Variants in HEATR5A observed in about 807,000 individuals in gnomAD.
The protein encoded by HEATR5A is HEAT repeat containing 5A, also known as HEAT repeat-containing protein 5A.
A neutral mutation model predicts 218.8 loss-of-function variants in HEATR5A; 178 were observed. The ratio of observed to expected loss-of-function variants is 0.81; its 90% confidence interval spans 0.72 to 0.92. The LOEUF is 0.92. HEATR5A is among the 40% of genes least tolerant of loss of function. The pLI, the probability that HEATR5A is intolerant of heterozygous loss-of-function variation, is 0.00. For synonymous variants in HEATR5A, 864 were observed against 871.6 expected (o/e 0.99, Z 0.15); for missense variants, 2,420 against 2,418.9 (o/e 1.00, Z -0.01).
At chr14:31,334,531 C>G (rs1316328975) in intron 22 of HEATR5A, 3 of 437,360 alleles carry the variant, frequency 6.9e-6, no homozygotes, top group Non-Finnish European at 1.4e-5. Context: ...TTTGAGAGAA[C>G]TGATTCTAGT....
At chr14:31,337,683 T>A in intron 21 of HEATR5A, 69 bp from the exon 22 acceptor site, 2 of 1,327,978 alleles carry the variant, frequency 1.5e-6, no homozygotes, top group South Asian at 2.7e-5. Context: ...CTAATAGATA[T>A]TCACTGGACC....
chr14:31,375,741 C>T (rs1902203336), intron 11 of HEATR5A, among the ~76,000 whole-genome samples: 2 of 151,984 alleles, frequency 1.3e-5, no homozygotes, highest in Non-Finnish European at 2.9e-5. Context: ...CAACTTGTTC[C>T]AGGTCAATAA....
chr14:31,380,401 T>C lies in HEATR5A; in HGVS notation c.1708+66A>G, dbSNP rs535579838. On this transcript the variant is annotated intron_variant, in intron 11 of 35. Transcript: ENST00000543095. ...AAAGTTCATTTCATCAAATCACATA[T>C]AAGAATCATTTCACTCAGAAAACAC... 6.3e-5 allele frequency: 61 copies of C among 974,204 alleles called. 1 individual carries two copies. In the South Asian group the frequency reaches 7.8e-4, roughly 12 times the overall value. The allele number at this position is 974,204 out of a possible 1,614,324, so 60.3% of individuals were successfully genotyped here.
chr14:31,376,647 G>T (rs927445595), intron 11 of HEATR5A, among the ~76,000 whole-genome samples: 3 of 152,150 alleles, frequency 2.0e-5, no homozygotes, highest in Non-Finnish European at 4.4e-5. Flanking sequence ...AGATAAACTG[G>T]GAAGTGTATC....
intron 1 of HEATR5A, among the ~76,000 whole-genome samples, chr14:31,419,022 A>C (rs1392995971): frequency 6.6e-6 from 1 of 152,188 alleles, no homozygotes; most frequent in Non-Finnish European, 1.5e-5. Flanking sequence ...CTTTGGAGTC[A>C]TGTATTTTCT....
intron 4 of HEATR5A, among the ~76,000 whole-genome samples, chr14:31,396,682 ACTTTT>A (rs1271724655): frequency 6.6e-6 from 1 of 152,194 alleles, no homozygotes. Context: ...CAACTTCAGA[ACTTTT>A]CTTTTATTCC....
chr14:31,323,740 G>A lies in HEATR5A; in HGVS notation c.3612C>T (p.Ala1204=). Residue 1204 remains alanine (A), a synonymous_variant, in exon 24 of 36, where the codon GCC becomes GCT. Coordinates refer to ENST00000543095, the MANE Select transcript of HEATR5A (RefSeq NM_015473.4). ...QEEEGDKGDD[A]SVLTTRRDEK... is the part of the protein sequence containing the mutation. Reference sequence around the variant, plus strand: ...CATCACGTCTGGTGGTCAGGACTGAGGCATCATCCCCTTTATCTCCTTCTT... The same window carrying A: ...CATCACGTCTGGTGGTCAGGACTGAAGCATCATCCCCTTTATCTCCTTCTT... The A allele has an allele frequency of 6.2e-7, 1 of 1,611,364 alleles. No individual in the cohort carries two copies. Among genetic ancestry groups the A allele is most frequent in the Non-Finnish European group, 8.5e-7 (1 of 1,177,710 alleles).
At chr14:31,324,191 A>G (rs571010630) in intron 23 of HEATR5A, among the ~76,000 whole-genome samples, 148 of 152,328 alleles carry the variant, frequency 9.7e-4, no homozygotes, top group Middle Eastern at 6.8e-3. Flanking sequence ...TGGGTGGGAT[A>G]CATTGGGAAG....
At chr14:31,308,141 A>G in intron 29 of HEATR5A, 121 bp from the exon 30 acceptor site, 1 of 879,724 alleles carries the variant, frequency 1.1e-6, no homozygotes, top group Non-Finnish European at 1.7e-6. Flanking sequence ...ATACAAATAA[A>G]TCACAATGAA....
At chr14:31,360,138 C>T (rs1901569696) in intron 14 of HEATR5A, among the ~76,000 whole-genome samples, 1 of 150,758 alleles carries the variant, frequency 6.6e-6, no homozygotes, top group African/African-American at 2.4e-5. Flanking sequence ...TGTTTGCTTC[C>T]GTGTTTGAAT....
chr14:31,344,926 T>C (rs1043431432), intron 20 of HEATR5A, among the ~76,000 whole-genome samples, 161 bp downstream of exon 20: 3 of 152,256 alleles, frequency 2.0e-5, no homozygotes, highest in Non-Finnish European at 4.4e-5. Flanking sequence ...TATTGTACTC[T>C]GTCTTTTCAA....
In HEATR5A at chr14:31,358,946, AAAAGATCATCCTG is replaced by A. The variant is rs1901520545; in HGVS notation, c.2170_2182del (p.Gln724Ter). On this transcript the variant is annotated frameshift_variant, in exon 15 of 36. Transcript: ENST00000543095. LOFTEE classifies it high-confidence loss of function. ...CTCTTGTAGGAAAGGACTTAGTATC[AAAAGATCATCCTG>A]ATGACAGAGGGGTGGAAGTAAAAAT... 6.3e-7 allele frequency: 1 copy of A among 1,591,550 alleles called. No individual in the cohort carries two copies. The highest frequency in any genetic ancestry group is 1.9e-5 in the Admixed American group (1 of 51,472).
intron 1 of HEATR5A, among the ~76,000 whole-genome samples, chr14:31,411,300 A>G (rs1431558156): frequency 7.1e-6 from 1 of 140,970 alleles, no homozygotes; most frequent in Non-Finnish European, 1.5e-5. Flanking sequence ...AAAATTCAAA[A>G]GAACTTACAA....
chr14:31,320,503 G>C, intron 25 of HEATR5A: 1 of 1,300,704 alleles, frequency 7.7e-7, no homozygotes, highest in Non-Finnish European at 1.1e-6. Flanking sequence ...GGAGTGGGGA[G>C]CTGCTGTAGG....
intron 1 of HEATR5A, among the ~76,000 whole-genome samples, chr14:31,412,805 T>G (rs1187983817): frequency 6.6e-6 from 1 of 151,490 alleles, no homozygotes; most frequent in Non-Finnish European, 1.5e-5. Context: ...ACCTGGGAGG[T>G]GAAAGTTGTG....
At chr14:31,382,083 G>C (rs1009961964) in intron 10 of HEATR5A, among the ~76,000 whole-genome samples, 1 of 152,150 alleles carries the variant, frequency 6.6e-6, no homozygotes, top group African/African-American at 2.4e-5. Context: ...AACCATTCTA[G>C]TCAAATCAGA....
chr14:31,399,311 TTACTC>T (rs948261769), intron 3 of HEATR5A, among the ~76,000 whole-genome samples: 1 of 152,338 alleles, frequency 6.6e-6, no homozygotes, highest in African/African-American at 2.4e-5. Flanking sequence ...CAATCTGTGA[TTACTC>T]TACTATTCAG....
Position 31,309,107 on chromosome 14 carries a change from T to A in HEATR5A, c.4517A>T (p.His1506Leu), listed in dbSNP as rs370758866. 4 of 1,614,000 alleles carry A rather than the reference T, an allele frequency of 2.5e-6. No individual in the cohort carries two copies. Among genetic ancestry groups the A allele is most frequent in the Non-Finnish European group, 3.4e-6 (4 of 1,179,880 alleles). The change falls in exon 29 of 36, where the codon CAT (histidine) becomes CTT (leucine). Residue 1506 changes from histidine to leucine, a missense_variant. By Grantham distance (99) the His-to-Leu change is moderately conservative. Coordinates refer to ENST00000543095, the MANE Select transcript of HEATR5A (RefSeq NM_015473.4). ...GCTTGTAAGCCACAATGCTGTAGCATGGAGGATAAGTGCCCAGGAGTTGTA... is the reference window on the plus strand; with the variant it reads ...GCTTGTAAGCCACAATGCTGTAGCAAGGAGGATAAGTGCCCAGGAGTTGTA... ...HYYNSWALIL[H>L]ATALWLTSTG...
intron 27 of HEATR5A, among the ~76,000 whole-genome samples, chr14:31,313,938 G>C (rs1217805469): frequency 1.3e-5 from 2 of 152,022 alleles, no homozygotes; most frequent in African/African-American, 4.8e-5. Flanking sequence ...TGTAGATTCA[G>C]TCTATTTTAT....
Sources: gnomAD v4.1 joint callset for allele counts (sites outside exome capture counted in the v4.1 genomes callset) on GRCh38, gnomAD v4.1.1 for gene constraint, MANE v1.5 for transcripts, NCBI Gene and HGNC (gene_info 2026-07-23, HGNC 2026-07-21) for gene names.